Variants in IGBP1C observed in about 807,000 individuals in gnomAD.
IGBP1C encodes the protein immunoglobulin-binding protein 1 family member C.
At chr17:58,662,177 C>T in the IGBP1C span, among the ~76,000 whole-genome samples, 13 of 150,496 alleles carry the variant, frequency 8.6e-5, no homozygotes, top group African/African-American at 9.7e-5. Context: ...AGTGGCCAGG[C>T]GCGGTGGCTC....
the IGBP1C span, among the ~76,000 whole-genome samples, chr17:58,671,715 C>A: frequency 6.6e-6 from 1 of 152,126 alleles, no homozygotes; most frequent in Non-Finnish European, 1.5e-5. Flanking sequence ...TCTCTTTTTG[C>A]TAGATCAGAA....
chr17:58,661,545 C>T, the IGBP1C span: 1 of 773,350 alleles, frequency 1.3e-6, no homozygotes, highest in Non-Finnish European at 2.4e-6. Flanking sequence ...TTGCTGGAAT[C>T]GAACAGCTCG....
At chr17:58,665,812 G>T in the IGBP1C span, among the ~76,000 whole-genome samples, 1 of 152,020 alleles carries the variant, frequency 6.6e-6, no homozygotes, top group Non-Finnish European at 1.5e-5. Flanking sequence ...TTGGGAGGCC[G>T]AGGAGGGTGG....
chr17:58,674,602 G>T, the IGBP1C span, among the ~76,000 whole-genome samples: 28 of 151,896 alleles, frequency 1.8e-4, no homozygotes, highest in African/African-American at 6.8e-4. Context: ...CCTGGGAGGC[G>T]GAGGTTGCAG....
At chr17:58,674,121 A>C in the IGBP1C span, among the ~76,000 whole-genome samples, 6 of 151,998 alleles carry the variant, frequency 3.9e-5, no homozygotes, top group African/African-American at 1.4e-4. Flanking sequence ...TAAAACTACA[A>C]AAAATTTAGC....
chr17:58,683,052 C>CAAAAAAAAAAAAAAA, the IGBP1C span, among the ~76,000 whole-genome samples: 4 of 54,034 alleles, frequency 7.4e-5, no homozygotes, highest in African/African-American at 2.7e-4. Flanking sequence ...GAGTCTGTCT[C>CAAAAAAAAAAAAAAA]AAAAAAAAAA....
At chr17:58,691,785 C>A in the IGBP1C span, among the ~76,000 whole-genome samples, 1 of 151,980 alleles carries the variant, frequency 6.6e-6, no homozygotes, top group African/African-American at 2.4e-5. Flanking sequence ...GCTTGCCTTC[C>A]TCCCCGAAGT....
chr17:58,679,008 G>T, the IGBP1C span, among the ~76,000 whole-genome samples: 1 of 151,866 alleles, frequency 6.6e-6, no homozygotes, highest in African/African-American at 2.4e-5. Flanking sequence ...ACAAACATTA[G>T]CAAGGCGTGG....
the IGBP1C span, among the ~76,000 whole-genome samples, chr17:58,690,364 C>T: frequency 7.2e-5 from 11 of 152,048 alleles, no homozygotes; most frequent in Admixed American, 3.3e-4. Flanking sequence ...TGGGGTTTTG[C>T]CCTGTTGCCC....
At chr17:58,665,479 T>C in the IGBP1C span, among the ~76,000 whole-genome samples, 1 of 151,874 alleles carries the variant, frequency 6.6e-6, no homozygotes, top group Non-Finnish European at 1.5e-5. Flanking sequence ...GTGGCTGTAG[T>C]CCAGCTACTC....
the IGBP1C span, among the ~76,000 whole-genome samples, chr17:58,668,162 C>A: frequency 1.3e-5 from 2 of 152,168 alleles, no homozygotes; most frequent in African/African-American, 4.8e-5. Flanking sequence ...CCTCTTACCC[C>A]TGATGTTTCC....
the IGBP1C span, chr17:58,660,824 G>A: frequency 1.3e-6 from 1 of 783,602 alleles, no homozygotes; most frequent in African/African-American, 1.7e-5. Flanking sequence ...TGGATAGCCA[G>A]CGCCAAATAC....
chr17:58,676,688 G>T, the IGBP1C span, among the ~76,000 whole-genome samples: 2 of 152,150 alleles, frequency 1.3e-5, no homozygotes, highest in African/African-American at 4.8e-5. Context: ...GTTAAGAGCA[G>T]GTTAAAATCC....
At chr17:58,683,267 G>A in the IGBP1C span, among the ~76,000 whole-genome samples, 99 of 151,642 alleles carry the variant, frequency 6.5e-4, no homozygotes, top group Admixed American at 3.4e-3. Flanking sequence ...CAGCTACTCC[G>A]GAGGCTGAGG....
chr17:58,677,369 T>G, the IGBP1C span, among the ~76,000 whole-genome samples: 1 of 152,196 alleles, frequency 6.6e-6, no homozygotes, highest in Non-Finnish European at 1.5e-5. Flanking sequence ...GTGGTACTCA[T>G]TGTGTACAAA....
At chr17:58,675,934 T>C in the IGBP1C span, among the ~76,000 whole-genome samples, 1 of 152,130 alleles carries the variant, frequency 6.6e-6, no homozygotes, top group East Asian at 1.9e-4. Flanking sequence ...TATGTAAGCT[T>C]TTCCCTTTTT....
At chr17:58,686,753 C>T in the IGBP1C span, among the ~76,000 whole-genome samples, 2 of 150,220 alleles carry the variant, frequency 1.3e-5, no homozygotes, top group Non-Finnish European at 3.0e-5. Context: ...GAAGCTTTAT[C>T]ATAACCACCT....
the IGBP1C span, chr17:58,666,387 G>A: frequency 7.2e-6 from 1 of 139,012 alleles, no homozygotes; most frequent in Non-Finnish European, 1.5e-5. Flanking sequence ...AACCAAAGAA[G>A]GCTGAGCGCA....
At chr17:58,678,920 G>A in the IGBP1C span, among the ~76,000 whole-genome samples, 26 of 151,844 alleles carry the variant, frequency 1.7e-4, no homozygotes, top group South Asian at 2.7e-3. Context: ...TTGGGAGGCC[G>A]AGGCAGGTAA....
Sources: gnomAD v4.1 joint callset for allele counts (sites outside exome capture counted in the v4.1 genomes callset) on GRCh38, gnomAD v4.1.1 for gene constraint, MANE v1.5 for transcripts, NCBI Gene and HGNC (gene_info 2026-07-23, HGNC 2026-07-21) for gene names.